The following CD226 variants were observed in gnomAD, a reference collection of about 807,000 sequenced individuals.
CD226 encodes CD226 molecule.
Under a neutral mutation model 34.9 loss-of-function variants are expected in CD226, and 24 were observed. The observed-to-expected ratio is 0.69, with a 90% CI of 0.50 to 0.97. The LOEUF is 0.97. Ranked by LOEUF, CD226 falls within the 50% of genes least tolerant of loss-of-function variation. The pLI, the probability that CD226 is intolerant of heterozygous loss-of-function variation, is 0.00. For missense variants in CD226, 397 were observed against 412.7 expected, an observed-to-expected ratio of 0.96 and a Z score of 0.33; for synonymous variants, 148 against 147.4, an observed-to-expected ratio of 1.00 and a Z score of -0.03.
intron 2 of CD226, among the ~76,000 whole-genome samples, chr18:69,933,457 A>AT (rs1164005871): frequency 6.6e-6 from 1 of 152,072 alleles, no homozygotes; most frequent in Non-Finnish European, 1.5e-5. Context: ...AATTACACCT[A>AT]TATTTCCAGG....
intron 2 of CD226, among the ~76,000 whole-genome samples, chr18:69,909,583 G>A (rs993797588): frequency 2.0e-5 from 3 of 152,180 alleles, no homozygotes; most frequent in Non-Finnish European, 4.4e-5. Context: ...AAAAACCAGT[G>A]TGAGTACAGC....
At chr18:69,917,388 C>G (rs1246151971) in intron 2 of CD226, among the ~76,000 whole-genome samples, 1 of 152,176 alleles carries the variant, frequency 6.6e-6, no homozygotes, top group African/African-American at 2.4e-5. Flanking sequence ...ACTCCCTCCC[C>G]CAGCACCATC....
intron 5 of CD226, among the ~76,000 whole-genome samples, chr18:69,866,267 TCAATC>T (rs1205778256): frequency 6.6e-6 from 1 of 152,206 alleles, no homozygotes; most frequent in Non-Finnish European, 1.5e-5. Context: ...ACATAAATGT[TCAATC>T]CATAGCAACT....
chr18:69,931,763 C>T (rs2055591999), intron 2 of CD226, among the ~76,000 whole-genome samples: 5 of 152,200 alleles, frequency 3.3e-5, no homozygotes. Context: ...CTTGAATATG[C>T]CCCATCTGCT....
chr18:69,950,660 C>T (rs2055845019), upstream of CD226, among the ~76,000 whole-genome samples: 1 of 152,050 alleles, frequency 6.6e-6, no homozygotes, highest in East Asian at 1.9e-4. Flanking sequence ...AAGTCAGAGA[C>T]TTTGTGGAAG....
At chr18:69,881,425 T>C (rs1984254838) in intron 3 of CD226, among the ~76,000 whole-genome samples, 1 of 152,224 alleles carries the variant, frequency 6.6e-6, no homozygotes, top group African/African-American at 2.4e-5. Flanking sequence ...TCCTGTCTTC[T>C]AATTCTTTCC....
rs1005237225 is a variant in CD226 at position 69,864,385 on chromosome 18, T to G, written c.940A>C (p.Met314Leu). Reference sequence around the variant, plus strand: ...TAAATATCCTCTCTTGTATCATCCATGGATTGATTGGTAGGTTGACTGGTA... The same window carrying G: ...TAAATATCCTCTCTTGTATCATCCAGGGATTGATTGGTAGGTTGACTGGTA... Reference protein sequence around the residue: ...ISTSQPTNQSMDDTREDIYVN... With the variant: ...ISTSQPTNQSLDDTREDIYVN... Residue 314 changes from methionine to leucine, a missense_variant, in exon 6 of 6, where the codon ATG becomes CTG. Met to Leu is a conservative substitution (Grantham distance 15). Transcript: ENST00000582621. 1.2e-6 allele frequency: 2 copies of G among 1,613,410 alleles called. No individual in the cohort carries two copies. Among genetic ancestry groups the G allele is most frequent in the South Asian group, 2.2e-5 (2 of 91,062 alleles).
At chr18:69,945,805 C>A (rs2055781774) in intron 2 of CD226, among the ~76,000 whole-genome samples, 1 of 152,138 alleles carries the variant, frequency 6.6e-6, no homozygotes, top group Non-Finnish European at 1.5e-5. Flanking sequence ...GGACTTACAG[C>A]ACCACATGTC....
At chr18:69,930,163 A>T (rs2055572090) in intron 2 of CD226, among the ~76,000 whole-genome samples, 1 of 152,124 alleles carries the variant, frequency 6.6e-6, no homozygotes, top group African/African-American at 2.4e-5. Context: ...GATGACAAAT[A>T]TTTTTTAAAA....
chr18:69,900,783 TG>T (rs2055172280), intron 2 of CD226, among the ~76,000 whole-genome samples: 1 of 152,070 alleles, frequency 6.6e-6, no homozygotes, highest in Admixed American at 6.5e-5. Flanking sequence ...ACTGTATTTC[TG>T]ACTTTAAACA....
chr18:69,929,637 C>G (rs1658925325), intron 2 of CD226, among the ~76,000 whole-genome samples: 1 of 152,130 alleles, frequency 6.6e-6, no homozygotes, highest in African/African-American at 2.4e-5. Context: ...ACATTTGCAT[C>G]TCCAACCCAA....
chr18:69,895,755 G>T lies in CD226; in HGVS notation c.673C>A (p.Gln225Lys). The T allele has an allele frequency of 6.2e-7, 1 of 1,614,166 alleles. No individual in the cohort carries two copies. The highest frequency in any genetic ancestry group is 1.3e-5 in the African/African-American group (1 of 75,042). ...SDSGLYRCYL[Q>K]ASAGENETFV... ...GTTTCGTTTTCTCCTGCGCTGGCCTGCAAGTAGCAGCGGTAAAGCCCCGAG... is the reference window on the plus strand; with the variant it reads ...GTTTCGTTTTCTCCTGCGCTGGCCTTCAAGTAGCAGCGGTAAAGCCCCGAG... Residue 225 changes from glutamine (Q) to lysine (K), a missense_variant, in exon 3 of 6, where the codon CAG becomes AAG. Transcript: ENST00000582621.
In CD226 at chr18:69,856,979, T is replaced by G. The variant is rs548212207; in HGVS notation, c.*7335A>C. On this transcript the variant is annotated 3_prime_UTR_variant, in exon 6 of 6. Coordinates refer to ENST00000582621, the MANE Select transcript of CD226 (RefSeq NM_001303618.2). ...GTCAGGAGATCGAGACCACCCTGGC[T>G]AACACGGTGAAACCCCGTCTCTACT... The G allele has an allele frequency of 2.6e-5, 4 of 152,278 alleles. No homozygotes were observed. The highest frequency in any genetic ancestry group is 2.6e-4 in the Admixed American group (4 of 15,302). 9.4% of individuals were successfully genotyped at this position (152,278 alleles called of 1,614,324 possible). A position where few individuals can be genotyped will look rare whatever the true frequency, so the allele number is the denominator to read the frequency against.
intron 2 of CD226, among the ~76,000 whole-genome samples, chr18:69,932,196 T>TTCTCTCTTACTTCCAA (rs1372157137): frequency 6.6e-6 from 1 of 152,220 alleles, no homozygotes; most frequent in Non-Finnish European, 1.5e-5. Context: ...CTTTCCTCTA[T>TTCTCTCTTACTTCCAA]TCTCTCTTAC....
intron 3 of CD226, among the ~76,000 whole-genome samples, chr18:69,874,811 A>G (rs1983761323): frequency 6.6e-6 from 1 of 152,230 alleles, no homozygotes; most frequent in South Asian, 2.1e-4. Flanking sequence ...TTCCACAAAT[A>G]AGTGAAGTCA....
At chr18:69,938,316 T>C (rs1394207518) in intron 2 of CD226, among the ~76,000 whole-genome samples, 1 of 152,176 alleles carries the variant, frequency 6.6e-6, no homozygotes, top group African/African-American at 2.4e-5. Flanking sequence ...CCCTCTTTTC[T>C]CTATGCCCTC....
At chr18:69,891,014 C>CCA (rs1984867447) in intron 3 of CD226, among the ~76,000 whole-genome samples, 1 of 87,526 alleles carries the variant, frequency 1.1e-5, no homozygotes, top group African/African-American at 6.6e-5. Flanking sequence ...GACAAAGACA[C>CCA]CACAAAAAAA....
At chr18:69,919,354 A>G (rs1455525799) in intron 2 of CD226, among the ~76,000 whole-genome samples, 2 of 152,210 alleles carry the variant, frequency 1.3e-5, no homozygotes, top group African/African-American at 4.8e-5. Flanking sequence ...TAGGAAGGAA[A>G]AAACTGACCG....
intron 2 of CD226, among the ~76,000 whole-genome samples, chr18:69,916,352 T>C (rs1216973864): frequency 4.6e-5 from 7 of 152,178 alleles, no homozygotes; most frequent in Non-Finnish European, 1.0e-4. Context: ...AATAATTTAG[T>C]ATGACATTGA....
Sources: gnomAD v4.1 joint callset for allele counts (sites outside exome capture counted in the v4.1 genomes callset) on GRCh38, gnomAD v4.1.1 for gene constraint, MANE v1.5 for transcripts, NCBI Gene and HGNC (gene_info 2026-07-23, HGNC 2026-07-21) for gene names.